The following HOXB3 variants were observed in gnomAD, a reference collection of about 807,000 sequenced individuals.
HOXB3 encodes homeobox B3.
Under a neutral mutation model 29.2 loss-of-function variants are expected in HOXB3, and 17 were observed. That is an observed-to-expected ratio of 0.58 (90% confidence interval 0.40 to 0.87). The LOEUF is 0.87. HOXB3 is among the 40% of genes least tolerant of loss of function. HOXB3 has a pLI of 0.00. For missense variants in HOXB3, 637 were observed against 616.3 expected (o/e 1.03, Z -0.35); for synonymous variants, 317 against 285.9 (o/e 1.11, Z -1.10).
intron 1 of HOXB3, chr17:48,581,378 AG>A (rs2144906732): frequency 6.6e-6 from 1 of 152,366 alleles, no homozygotes; most frequent in Non-Finnish European, 1.5e-5. Flanking sequence ...AGGGTCCAAT[AG>A]GTAATCTCAG....
chr17:48,580,182 ACT>A, intron 1 of HOXB3: 1 of 264,536 alleles, frequency 3.8e-6, no homozygotes, highest in South Asian at 3.4e-5. Context: ...CCGCCGCGCA[ACT>A]CTCGGTGGCG....
intron 2 of HOXB3, among the ~76,000 whole-genome samples, chr17:48,572,903 C>T (rs1480010898): frequency 2.6e-5 from 4 of 152,062 alleles, no homozygotes; most frequent in East Asian, 1.9e-4. Flanking sequence ...AAGGGGCTTC[C>T]GAGGTCATTT....
Position 48,550,853 on chromosome 17 carries a change from TG to T in HOXB3, c.776del (p.Pro259HisfsTer18). The T allele has an allele frequency of 6.2e-7, 1 of 1,613,842 alleles. No homozygotes were observed. Among genetic ancestry groups the T allele is most frequent in the Non-Finnish European group, 8.5e-7 (1 of 1,179,906 alleles). On this transcript the variant is annotated frameshift_variant, in exon 5 of 5. Coordinates refer to ENST00000498678, the MANE Select transcript of HOXB3 (RefSeq NM_001384749.1). LOFTEE classifies it high-confidence loss of function. ...AKGLASSSGG[P>X]SPAGSPPQPM... is the part of the protein sequence containing the mutation. ...GCTGCGGGGGGCTGCCGGCTGGAGA[TG>T]GGCCCCCCGACGACGAGGCCAATCC...
intron 2 of HOXB3, among the ~76,000 whole-genome samples, chr17:48,569,861 GA>G (rs1013877837): frequency 4.6e-5 from 7 of 152,202 alleles, no homozygotes; most frequent in African/African-American, 1.4e-4. Context: ...CCGCAAGGGG[GA>G]CTTTTTTCCC....
At chr17:48,573,497 T>C (rs1331171911) in intron 2 of HOXB3, among the ~76,000 whole-genome samples, 1 of 152,168 alleles carries the variant, frequency 6.6e-6, no homozygotes, top group Non-Finnish European at 1.5e-5. Context: ...GCACACATGC[T>C]GGGGCTCGCT....
chr17:48,582,082 G>A (rs2069956194), intron 1 of HOXB3: 3 of 152,290 alleles, frequency 2.0e-5, no homozygotes, highest in Admixed American at 2.0e-4. Flanking sequence ...CAGGTTGCTA[G>A]CGTGACCTCG....
At chr17:48,576,764 T>C in intron 1 of HOXB3, 1 of 1,601,746 alleles carries the variant, frequency 6.2e-7, no homozygotes, top group Non-Finnish European at 8.5e-7. Context: ...CAGGGGGCCC[T>C]CCGGCTGAGC....
chr17:48,559,563 C>G (rs1377924198), intron 2 of HOXB3: 2 of 152,210 alleles, frequency 1.3e-5, no homozygotes, highest in African/African-American at 4.8e-5. Flanking sequence ...ACACACTCAC[C>G]CGAATCTCCA....
intron 2 of HOXB3, chr17:48,556,460 T>G (rs1454930668): frequency 6.7e-6 from 1 of 148,574 alleles, no homozygotes; most frequent in East Asian, 2.0e-4. Flanking sequence ...CCCGGCTTCT[T>G]CCCTCCACTA....
intron 1 of HOXB3, chr17:48,579,983 C>G (rs780013621): frequency 4.0e-6 from 2 of 503,212 alleles, no homozygotes; most frequent in Non-Finnish European, 8.1e-6. Flanking sequence ...CTCCTACTTT[C>G]CGCGCCTTCT....
chr17:48,555,734 G>A, intron 2 of HOXB3, 116 bp from the exon 3 acceptor site: 1 of 650,220 alleles, frequency 1.5e-6, no homozygotes, highest in East Asian at 2.7e-5. Flanking sequence ...CCGGCCAGAG[G>A]AGCCGCGCGG....
At chr17:48,560,824 C>T (rs2069167362) in intron 2 of HOXB3, among the ~76,000 whole-genome samples, 1 of 152,084 alleles carries the variant, frequency 6.6e-6, no homozygotes, top group Non-Finnish European at 1.5e-5. Context: ...GCTCAGAGGC[C>T]CAGGGTTGGG....
At chr17:48,573,017 A>G (rs1418500523) in intron 2 of HOXB3, among the ~76,000 whole-genome samples, 1 of 152,150 alleles carries the variant, frequency 6.6e-6, no homozygotes. Context: ...GCCTCAGGGA[A>G]AAAGGGCCAA....
chr17:48,582,580 T>C (rs1280411149), intron 1 of HOXB3: 1 of 152,196 alleles, frequency 6.6e-6, no homozygotes, highest in African/African-American at 2.4e-5. Context: ...TGACCTGCGG[T>C]TCACCTCTCT....
At chr17:48,557,692 T>A (rs747491437) in intron 2 of HOXB3, among the ~76,000 whole-genome samples, 26 of 152,096 alleles carry the variant, frequency 1.7e-4, no homozygotes, top group South Asian at 6.2e-4. Context: ...GAAGCACGGG[T>A]TGGGGGACAT....
chr17:48,578,458 C>A, intron 1 of HOXB3: 4 of 1,101,314 alleles, frequency 3.6e-6, no homozygotes, highest in Non-Finnish European at 3.8e-6. Context: ...CCAATGGCCG[C>A]CCCGCCTGCG....
At chr17:48,564,980 G>C (rs1365266354) in intron 2 of HOXB3, among the ~76,000 whole-genome samples, 1 of 151,918 alleles carries the variant, frequency 6.6e-6, no homozygotes, top group Non-Finnish European at 1.5e-5. Flanking sequence ...GGGGAGGAAG[G>C]AGATTAGTAG....
At chr17:48,576,599 G>T in intron 1 of HOXB3, 1 of 783,426 alleles carries the variant, frequency 1.3e-6, no homozygotes, top group Non-Finnish European at 2.0e-6. Flanking sequence ...ATAAAGTGTG[G>T]GGGAGGGCAG....
intron 2 of HOXB3, among the ~76,000 whole-genome samples, chr17:48,559,170 GCGACGGGAGCAC>G (rs1448383055): frequency 6.6e-6 from 1 of 151,992 alleles, no homozygotes; most frequent in Admixed American, 6.5e-5. Flanking sequence ...CCAGTATCAG[GCGACGGGAGCAC>G]TTTAAACCCT....
Sources: gnomAD v4.1 joint callset for allele counts (sites outside exome capture counted in the v4.1 genomes callset) on GRCh38, gnomAD v4.1.1 for gene constraint, MANE v1.5 for transcripts, NCBI Gene and HGNC (gene_info 2026-07-23, HGNC 2026-07-21) for gene names.